The following NBAS variants were observed in gnomAD, a reference collection of about 807,000 sequenced individuals.
The protein encoded by NBAS is NAG/BC035112 fusion.
A neutral mutation model predicts 302.5 loss-of-function variants in NBAS; 219 were observed. That is an observed-to-expected ratio of 0.72 (90% CI 0.65 to 0.81). NBAS has a LOEUF of 0.81. Ranked by LOEUF, NBAS falls within the 30% of genes least tolerant of loss-of-function variation. The pLI is 0.00. For missense variants in NBAS, 2,932 were observed against 2,841.6 expected (o/e 1.03, Z -0.72); for synonymous variants, 1,118 against 1,021.6 (o/e 1.09, Z -1.80).
At chr2:15,416,842 T>C (rs961813471) in intron 24 of NBAS, among the ~76,000 whole-genome samples, 12 of 140,652 alleles carry the variant, frequency 8.5e-5, no homozygotes, top group Admixed American at 3.5e-4. Flanking sequence ...AAGATAAATA[T>C]AAGATGGGGG....
intron 38 of NBAS, among the ~76,000 whole-genome samples, chr2:15,316,926 G>A (rs1276719502): frequency 6.6e-6 from 1 of 152,238 alleles, no homozygotes; most frequent in Non-Finnish European, 1.5e-5. Context: ...GCCTCCTCAA[G>A]TGGGTCCCTG....
the NBAS span, among the ~76,000 whole-genome samples, chr2:14,845,713 A>C: frequency 1.3e-5 from 2 of 152,202 alleles, no homozygotes; most frequent in Non-Finnish European, 2.9e-5. Context: ...AGGAGATTAA[A>C]ATAATTAAAA....
At chr2:14,928,994 C>G in the NBAS span, among the ~76,000 whole-genome samples, 1 of 152,158 alleles carries the variant, frequency 6.6e-6, no homozygotes, top group African/African-American at 2.4e-5. Context: ...CTTTCATCCT[C>G]AGTAAGAAAT....
the NBAS span, among the ~76,000 whole-genome samples, chr2:15,016,871 G>A: frequency 1.3e-5 from 2 of 152,074 alleles, no homozygotes; most frequent in African/African-American, 4.8e-5. Flanking sequence ...TACATAGTAG[G>A]TGTATATACT....
intron 49 of NBAS, among the ~76,000 whole-genome samples, chr2:15,189,434 A>G (rs1665239222): frequency 6.6e-6 from 1 of 152,152 alleles, no homozygotes; most frequent in Non-Finnish European, 1.5e-5. Context: ...GGAGATGTTC[A>G]CTGGCCTGTG....
At chr2:15,262,317 C>T (rs1450788505) in intron 44 of NBAS, among the ~76,000 whole-genome samples, 1 of 152,162 alleles carries the variant, frequency 6.6e-6, no homozygotes, top group African/African-American at 2.4e-5. Flanking sequence ...CGTGATGAAG[C>T]CTGCTGCTTG....
the NBAS span, among the ~76,000 whole-genome samples, chr2:14,957,333 GA>G: frequency 6.6e-6 from 1 of 151,152 alleles, no homozygotes; most frequent in South Asian, 2.1e-4. Flanking sequence ...TGAAATAAGT[GA>G]AATGCAATGT....
intron 13 of NBAS, among the ~76,000 whole-genome samples, chr2:15,477,488 C>T (rs944173380): frequency 8.5e-5 from 13 of 152,090 alleles, no homozygotes; most frequent in Non-Finnish European, 1.5e-4. Flanking sequence ...CTTGAACTCC[C>T]GACCTCGGGT....
chr2:15,553,799 T>C (rs1573008806), intron 4 of NBAS, among the ~76,000 whole-genome samples: 1 of 110,570 alleles, frequency 9.0e-6, no homozygotes, highest in Non-Finnish European at 1.8e-5. Context: ...CCTCCCTCCC[T>C]CTCTCCCTCC....
intron 47 of NBAS, among the ~76,000 whole-genome samples, chr2:15,229,815 G>A (rs1370754338): frequency 2.0e-5 from 3 of 151,750 alleles, no homozygotes; most frequent in East Asian, 1.9e-4. Flanking sequence ...AAAAGAGGAC[G>A]TGAAAAATGG....
chr2:14,865,410 C>T, the NBAS span, among the ~76,000 whole-genome samples: 1 of 151,988 alleles, frequency 6.6e-6, no homozygotes, highest in African/African-American at 2.4e-5. Flanking sequence ...TGTGAGCAAG[C>T]AAAAGAAGTG....
intron 51 of NBAS, among the ~76,000 whole-genome samples, chr2:15,178,505 G>A (rs1411371105): frequency 6.6e-6 from 1 of 152,200 alleles, no homozygotes; most frequent in Non-Finnish European, 1.5e-5. Flanking sequence ...AGACAAGAAG[G>A]TTGCCAGAGG....
intron 48 of NBAS, among the ~76,000 whole-genome samples, chr2:15,209,306 T>A (rs1450772443): frequency 6.6e-6 from 1 of 151,992 alleles, no homozygotes; most frequent in Admixed American, 6.6e-5. Flanking sequence ...GCCATAAGTC[T>A]CCCAGTAAAG....
chr2:15,486,026 A>G (rs1268929529), intron 12 of NBAS, among the ~76,000 whole-genome samples: 2 of 152,208 alleles, frequency 1.3e-5, no homozygotes, highest in Non-Finnish European at 2.9e-5. Flanking sequence ...CTATCCAGCT[A>G]GTCCAGCTGA....
At chr2:14,918,599 A>T in the NBAS span, among the ~76,000 whole-genome samples, 4 of 152,240 alleles carry the variant, frequency 2.6e-5, no homozygotes, top group Non-Finnish European at 5.9e-5. Context: ...TGCCATAGAG[A>T]AGGCTGTGGT....
chr2:14,844,163 A>G, the NBAS span, among the ~76,000 whole-genome samples: 1 of 152,192 alleles, frequency 6.6e-6, no homozygotes, highest in Non-Finnish European at 1.5e-5. Flanking sequence ...ACTTAAAAAA[A>G]GAGGGAAGAG....
chr2:14,790,803 C>T, the NBAS span, among the ~76,000 whole-genome samples: 1 of 152,048 alleles, frequency 6.6e-6, no homozygotes, highest in East Asian at 1.9e-4. Context: ...AGGCATGTGC[C>T]ACCACACCCA....
the NBAS span, among the ~76,000 whole-genome samples, chr2:15,078,712 T>C: frequency 2.0e-5 from 3 of 152,204 alleles, no homozygotes; most frequent in Admixed American, 2.0e-4. Flanking sequence ...CATAATGTGC[T>C]TGGCACTGTA....
chr2:14,851,228 T>C, the NBAS span, among the ~76,000 whole-genome samples: 1 of 137,102 alleles, frequency 7.3e-6, no homozygotes. Context: ...ATAGACACAA[T>C]AAAAAATGAT....
Sources: gnomAD v4.1 joint callset for allele counts (sites outside exome capture counted in the v4.1 genomes callset) on GRCh38, gnomAD v4.1.1 for gene constraint, MANE v1.5 for transcripts, NCBI Gene and HGNC (gene_info 2026-07-23, HGNC 2026-07-21) for gene names.